RBM6: variants seen among roughly 807,000 people sequenced by gnomAD.
RBM6 encodes the protein RNA-binding protein 6.
A neutral mutation model predicts 140.4 loss-of-function variants in RBM6; 23 were observed. That is an observed-to-expected ratio of 0.16 (90% CI 0.12 to 0.23). The LOEUF (loss-of-function observed/expected upper bound fraction) is 0.23. Ranked by LOEUF, RBM6 falls within the 10% of genes least tolerant of loss-of-function variation. The pLI, the probability that RBM6 is intolerant of heterozygous loss-of-function variation, is 1.00. For missense variants in RBM6, 1,139 were observed against 1,386.7 expected (o/e 0.82, Z 2.84); for synonymous variants, 439 against 475.6 (o/e 0.92, Z 1.00).
At chr3:49,942,785 A>G (rs537012472) in intron 1 of RBM6, among the ~76,000 whole-genome samples, 109 of 152,138 alleles carry the variant, frequency 7.2e-4, no homozygotes, top group African/African-American at 2.5e-3. Flanking sequence ...ACCAGCTACT[A>G]AGGAGGCAGA....
At chr3:50,042,921 A>G (rs1328403323) in intron 6 of RBM6, among the ~76,000 whole-genome samples, 2 of 152,164 alleles carry the variant, frequency 1.3e-5, no homozygotes, top group East Asian at 3.9e-4. Context: ...TAGATGTTCA[A>G]TCAGCAGCCC....
intron 6 of RBM6, among the ~76,000 whole-genome samples, chr3:50,001,083 T>G (rs978570068): frequency 7.2e-5 from 11 of 152,190 alleles, no homozygotes; most frequent in Admixed American, 7.2e-4. Context: ...CAGTTGACAC[T>G]CTGTATCCAC....
At chr3:49,997,951 G>T (rs977947269) in intron 5 of RBM6, among the ~76,000 whole-genome samples, 5 of 152,126 alleles carry the variant, frequency 3.3e-5, no homozygotes, top group African/African-American at 1.2e-4. Flanking sequence ...GTTTGGAGGG[G>T]TTAGTTTTAA....
rs1385985673 is a variant in RBM6 at position 49,960,774 on chromosome 3, C to G, written c.-66-1802C>G. On this transcript the variant is annotated intron_variant, in intron 1 of 20. Coordinates refer to ENST00000266022, the MANE Select transcript of RBM6 (RefSeq NM_005777.3). ...GGATGGTGTCCGATCAGGTCTGAGA[C>G]AGTGGGGTTGATACTACAGTGCTGT... is the stretch of plus-strand genomic sequence containing the variant. Among the ~76,000 whole-genome samples the G allele has an allele frequency of 2.0e-5, 3 of 152,108 alleles. No individual in the cohort carries two copies. The East Asian group carries it at 5.8e-4, about 29-fold the overall frequency.
intron 6 of RBM6, among the ~76,000 whole-genome samples, chr3:50,038,809 G>A (rs956008656): frequency 6.6e-6 from 1 of 152,096 alleles, no homozygotes; most frequent in Non-Finnish European, 1.5e-5. Flanking sequence ...CTCCAGCCTA[G>A]GCAACAGAGC....
intron 6 of RBM6, among the ~76,000 whole-genome samples, chr3:50,022,480 G>A (rs1025568637): frequency 2.0e-5 from 3 of 151,932 alleles, no homozygotes; most frequent in African/African-American, 7.3e-5. Context: ...ATAGGCTCAT[G>A]TCACCACGCC....
At chr3:50,038,832 C>T (rs968350247) in intron 6 of RBM6, among the ~76,000 whole-genome samples, 1 of 151,940 alleles carries the variant, frequency 6.6e-6, no homozygotes, top group Non-Finnish European at 1.5e-5. Context: ...GACTCCGTCC[C>T]CAAAAAAAGA....
chr3:49,994,311 C>T (rs2085968329), intron 5 of RBM6, among the ~76,000 whole-genome samples: 2 of 152,090 alleles, frequency 1.3e-5, no homozygotes, highest in African/African-American at 4.8e-5. Context: ...AATCCTCCTA[C>T]CTTGGTCTCC....
chr3:49,989,620 A>G lies in RBM6; in HGVS notation c.1484-9820A>G, dbSNP rs1430685408. Among the ~76,000 whole-genome samples the G allele has an allele frequency of 2.6e-5, 4 of 152,214 alleles. No homozygotes were observed. The East Asian group carries it at 7.7e-4, about 29-fold the overall frequency. ...ATAATAATAATATTTGTGTAAGTACAGGGATATGTTTCTTCAACTCCAAAG... is the reference window on the plus strand; with the variant it reads ...ATAATAATAATATTTGTGTAAGTACGGGGATATGTTTCTTCAACTCCAAAG... On this transcript the variant is annotated intron_variant, in intron 5 of 20. Coordinates refer to ENST00000266022, the MANE Select transcript of RBM6 (RefSeq NM_005777.3).
At chr3:49,941,962 T>C (rs1324981818) in intron 1 of RBM6, among the ~76,000 whole-genome samples, 1 of 150,864 alleles carries the variant, frequency 6.6e-6, no homozygotes, top group Non-Finnish European at 1.5e-5. Flanking sequence ...TAGCCAGGCG[T>C]GGTGGCATGC....
chr3:49,967,358 GC>G lies in RBM6; in HGVS notation c.45-110del. On this transcript the variant is annotated intron_variant, in intron 2 of 20. Coordinates refer to ENST00000266022, the MANE Select transcript of RBM6 (RefSeq NM_005777.3). This position sits in a 1 kb window ranked among gnomAD's most constrained non-coding sequence, Gnocchi z 4.0. Reference sequence around the variant, plus strand: ...ATCTAGGACCTTGTTACAGAACTCTGCCAAAAAAAAAATGTTTACAGAAGAA... The same window carrying G: ...ATCTAGGACCTTGTTACAGAACTCTGCAAAAAAAAAATGTTTACAGAAGAA... 1.3e-6 allele frequency: 2 copies of G among 1,496,648 alleles called. No homozygotes were observed. Among genetic ancestry groups the G allele is most frequent in the Middle Eastern group, 2.4e-4 (1 of 4,186 alleles). The allele number at this position is 1,496,648 out of a possible 1,614,324, so 92.7% of individuals were successfully genotyped here.
At chr3:50,035,940 T>A (rs1037170332) in intron 6 of RBM6, among the ~76,000 whole-genome samples, 3 of 152,016 alleles carry the variant, frequency 2.0e-5, no homozygotes, top group African/African-American at 7.2e-5. Context: ...TTTTGTATTT[T>A]TAATAGAGAC....
intron 3 of RBM6, among the ~76,000 whole-genome samples, chr3:49,970,505 A>C (rs904702972): frequency 3.3e-5 from 5 of 152,182 alleles, no homozygotes; most frequent in Admixed American, 3.3e-4. Flanking sequence ...TAGACCTGTG[A>C]TTGTTTAGGG....
At chr3:50,042,782 G>A (rs1358369864) in intron 6 of RBM6, among the ~76,000 whole-genome samples, 1 of 151,996 alleles carries the variant, frequency 6.6e-6, no homozygotes, top group East Asian at 1.9e-4. Flanking sequence ...TTGATGATTG[G>A]TTTTGAGCCA....
chr3:50,068,743 T>C lies in RBM6; in HGVS notation c.2997T>C (p.Tyr999=). ...AACAGTCTGAGCAGGAGCTAGCCTA[T>C]CTGGAAAGGAGAGAACGAGAGGTAA... ...KIKQSEQELA[Y]LERREREGKF... Residue 999 remains tyrosine (Y), a synonymous_variant, in exon 18 of 21, where the codon TAT becomes TAC. Transcript: ENST00000266022. 1 of 1,614,152 alleles carries C rather than the reference T, an allele frequency of 6.2e-7. No individual in the cohort carries two copies. The highest frequency in any genetic ancestry group is 1.7e-5 in the Admixed American group (1 of 60,028).
At chr3:50,005,718 C>T (rs2086539683) in intron 6 of RBM6, among the ~76,000 whole-genome samples, 3 of 152,294 alleles carry the variant, frequency 2.0e-5, no homozygotes, top group Middle Eastern at 6.8e-3. Context: ...ACCTAAACAA[C>T]TATCACCCCA....
At chr3:50,074,202 G>C (rs558946225) in intron 19 of RBM6, among the ~76,000 whole-genome samples, 1 of 152,128 alleles carries the variant, frequency 6.6e-6, no homozygotes, top group African/African-American at 2.4e-5. Context: ...CTCCTTGCTT[G>C]TGTCCTCCTT....
chr3:49,967,762 T>C lies in RBM6; in HGVS notation c.337T>C (p.Leu113=), dbSNP rs2084570978. The change falls in exon 3 of 21, where the codon TTG becomes CTG. Residue 113 remains leucine (L), a synonymous_variant. Coordinates refer to ENST00000266022, the MANE Select transcript of RBM6 (RefSeq NM_005777.3). This position sits in a 1 kb window ranked among gnomAD's most constrained non-coding sequence, Gnocchi z 4.0. ...TTTCCAGAGCAGAGATTCATCACAG[T>C]TGGACTTCAGGGGTAGGGACATACA... ...SDFQSRDSSQ[L]DFRGRDIHSG... 2.5e-6 allele frequency: 4 copies of C among 1,613,846 alleles called. No homozygotes were observed. Among genetic ancestry groups the C allele is most frequent in the Admixed American group, 1.7e-5 (1 of 59,972 alleles).
Position 50,040,741 on chromosome 3 carries a change from C to T in RBM6, c.1558-7504C>T, listed in dbSNP as rs114770902. On this transcript the variant is annotated intron_variant, in intron 6 of 20. Coordinates refer to ENST00000266022, the MANE Select transcript of RBM6 (RefSeq NM_005777.3). ...GCGTGAGCTTGGCTCACTGCAGCCT[C>T]GACCTCACAGGTTCAAGCAACCCTC... Among the ~76,000 whole-genome samples the T allele has an allele frequency of 6.1e-3, 922 of 151,348 alleles. 10 individuals carry two copies. Among genetic ancestry groups the T allele is most frequent in the African/African-American group, 0.021 (870 of 41,228 alleles).
Sources: allele counts gnomAD v4.1 joint callset (sites outside exome capture counted in the v4.1 genomes callset), GRCh38; gene constraint gnomAD v4.1.1; non-coding constraint Gnocchi (gnomAD v3.1); transcripts MANE v1.5; gene names NCBI Gene and HGNC (gene_info 2026-07-23, HGNC 2026-07-21).